The following FARP1 variants were observed in gnomAD, a reference collection of about 807,000 sequenced individuals.
FARP1 encodes FERM, ARHGEF and pleckstrin domain-containing protein 1.
Under a neutral mutation model 128.8 loss-of-function variants are expected in FARP1, and 52 were observed. The observed-to-expected ratio is 0.40, with a 90% confidence interval of 0.32 to 0.51. The LOEUF (loss-of-function observed/expected upper bound fraction) is 0.51, where lower values mean the gene tolerates loss of function less well. Ranked by LOEUF, FARP1 falls within the 20% of genes least tolerant of loss-of-function variation. FARP1 has a pLI of 0.45. For missense variants in FARP1, 1,333 were observed against 1,367.9 expected (o/e 0.97, Z 0.40); for synonymous variants, 580 against 551.8 (o/e 1.05, Z -0.72).
intron 16 of FARP1, among the ~76,000 whole-genome samples, chr13:98,417,478 A>AG (rs1891429287): frequency 1.4e-5 from 2 of 144,424 alleles, no homozygotes; most frequent in African/African-American, 5.4e-5. Context: ...AAAAAAAAAA[A>AG]AAAAAAGAAC....
chr13:98,145,568 G>A (rs898451466), intron 1 of FARP1, among the ~76,000 whole-genome samples: 2 of 130,214 alleles, frequency 1.5e-5, no homozygotes, highest in Non-Finnish European at 1.8e-5. Flanking sequence ...TTCACTTTTC[G>A]TTAAAGAAAC....
In FARP1 at chr13:98,176,590, T is replaced by C; in HGVS notation, c.-24+33098T>C. On this transcript the variant is annotated intron_variant, in intron 1 of 26. Transcript: ENST00000319562. The surrounding 1 kb of genome is among the most constrained non-coding windows in gnomAD (Gnocchi z 6.2). ...CCACCCGAGCTTGTAATCGGAACGG[T>C]CGTGGAGGAATTTGCAGCTGTCCCC... 6.2e-7 allele frequency: 1 copy of C among 1,614,118 alleles called. No homozygotes were observed.
In FARP1 at chr13:98,440,055, G is replaced by A. The variant is rs1419997321; in HGVS notation, c.2516+12G>A. ...ATCGTGGCCGCCAGGTAACTCGGGA[G>A]CCCGCCCCTTGCCTGTTTCCCCTTT... is the stretch of plus-strand genomic sequence containing the variant. On this transcript the variant is annotated intron_variant, in intron 22 of 26. Transcript: ENST00000319562. 1 of 1,609,030 alleles carries A rather than the reference G, an allele frequency of 6.2e-7. No individual in the cohort carries two copies. Among genetic ancestry groups the A allele is most frequent in the Non-Finnish European group, 8.5e-7 (1 of 1,175,844 alleles).
intron 2 of FARP1, among the ~76,000 whole-genome samples, chr13:98,276,857 C>T (rs932771034): frequency 1.3e-5 from 2 of 151,944 alleles, no homozygotes; most frequent in Non-Finnish European, 2.9e-5. Flanking sequence ...GGGTGTGTGA[C>T]CCAGCAAGGG....
chr13:98,316,720 CCG>C (rs1886738280), intron 2 of FARP1, among the ~76,000 whole-genome samples: 2 of 152,188 alleles, frequency 1.3e-5, no homozygotes, highest in African/African-American at 2.4e-5. Flanking sequence ...CCCAGTGATT[CCG>C]TCATGGGGAG....
At position 98,308,024 on chromosome 13, in the gene FARP1, A is replaced by ACT. The variant is rs869143880; in HGVS notation, c.172-35729_172-35728dup. On this transcript the variant is annotated intron_variant, in intron 2 of 26. Coordinates refer to ENST00000319562, the MANE Select transcript of FARP1 (RefSeq NM_005766.4). Reference sequence around the variant, plus strand: ...TGCCTGCCCCCCTCCGCCCGCCCCCACTCTCTCTCTTTTTTTTTTTTTTTT... The same window carrying ACT: ...TGCCTGCCCCCCTCCGCCCGCCCCCACTCTCTCTCTCTTTTTTTTTTTTTTTT... 1.4e-3 allele frequency among the ~76,000 whole-genome samples: 29 copies of ACT among 20,748 alleles called. 1 individual carries two copies. Among genetic ancestry groups the ACT allele is most frequent in the Non-Finnish European group, 2.6e-3 (24 of 9,226 alleles). 13.6% of individuals were successfully genotyped at this position (20,748 alleles called of 152,430 possible).
chr13:98,281,351 A>G (rs1884927908), intron 2 of FARP1, among the ~76,000 whole-genome samples: 1 of 149,686 alleles, frequency 6.7e-6, no homozygotes, highest in African/African-American at 2.5e-5. Context: ...TGGGCAACAG[A>G]GCAAGACTCT....
chr13:98,237,374 G>A (rs1176917644), intron 2 of FARP1, among the ~76,000 whole-genome samples: 3 of 152,068 alleles, frequency 2.0e-5, no homozygotes, highest in African/African-American at 7.2e-5. Context: ...GGCACCGATT[G>A]CAGTTGAGAG....
At chr13:98,417,020 T>C (rs926329651) in intron 16 of FARP1, among the ~76,000 whole-genome samples, 4 of 152,078 alleles carry the variant, frequency 2.6e-5, no homozygotes, top group African/African-American at 9.7e-5. Flanking sequence ...TGTCGAGATA[T>C]CACTGAGCAG....
chr13:98,370,037 C>T (rs866083407), intron 5 of FARP1, among the ~76,000 whole-genome samples: 1 of 152,154 alleles, frequency 6.6e-6, no homozygotes, highest in Non-Finnish European at 1.5e-5. Flanking sequence ...ACAGACAAAG[C>T]GATTAAATAA....
At chr13:98,274,865 A>G (rs1335294377) in intron 2 of FARP1, among the ~76,000 whole-genome samples, 1 of 152,242 alleles carries the variant, frequency 6.6e-6, no homozygotes, top group Non-Finnish European at 1.5e-5. Context: ...TTTTATCTGG[A>G]CATCAGGTAA....
intron 2 of FARP1, among the ~76,000 whole-genome samples, chr13:98,253,870 T>G (rs1258026769): frequency 6.6e-6 from 1 of 152,214 alleles, no homozygotes; most frequent in Non-Finnish European, 1.5e-5. Context: ...GGGTTTGAGG[T>G]CAGAATCCAC....
At chr13:98,249,802 G>C (rs1883236986) in intron 2 of FARP1, among the ~76,000 whole-genome samples, 1 of 152,150 alleles carries the variant, frequency 6.6e-6, no homozygotes. Context: ...GTTTCTTAGT[G>C]ATGGTTCCCC....
chr13:98,309,198 G>A (rs1437174007), intron 2 of FARP1, among the ~76,000 whole-genome samples: 2 of 101,678 alleles, frequency 2.0e-5, no homozygotes, highest in African/African-American at 7.8e-5. Context: ...ACGGAGTCTC[G>A]CTCTGTGGCC....
At chr13:98,426,691 T>A (rs990131490) in intron 17 of FARP1, among the ~76,000 whole-genome samples, 3 of 152,132 alleles carry the variant, frequency 2.0e-5, no homozygotes, top group African/African-American at 7.2e-5. Flanking sequence ...AGCAACCCTT[T>A]GCAATTTGAG....
At chr13:98,291,631 G>A (rs1412796622) in intron 2 of FARP1, among the ~76,000 whole-genome samples, 2 of 152,172 alleles carry the variant, frequency 1.3e-5, no homozygotes, top group African/African-American at 2.4e-5. Context: ...ACTGTTCTGA[G>A]CCCCTCAGCA....
chr13:98,364,482 T>C (rs1401689659), intron 3 of FARP1, among the ~76,000 whole-genome samples: 1 of 152,260 alleles, frequency 6.6e-6, no homozygotes, highest in African/African-American at 2.4e-5. Flanking sequence ...ATTTTCTCTT[T>C]GTAAATTATC....
intron 1 of FARP1, among the ~76,000 whole-genome samples, chr13:98,187,338 A>T (rs993493298): frequency 3.3e-5 from 5 of 152,204 alleles, no homozygotes; most frequent in African/African-American, 1.2e-4. Flanking sequence ...CCCAATTAAG[A>T]GTGGAGATGC....
chr13:98,200,393 C>CCG (rs1555327084), intron 1 of FARP1, among the ~76,000 whole-genome samples: 2 of 144,838 alleles, frequency 1.4e-5, no homozygotes, highest in Non-Finnish European at 3.0e-5. Context: ...CTTCACCCCC[C>CCG]CCCCCTCCCC....
Sources: gnomAD v4.1 joint callset for allele counts (sites outside exome capture counted in the v4.1 genomes callset) on GRCh38, gnomAD v4.1.1 for gene constraint, Gnocchi (gnomAD v3.1) non-coding constraint, MANE v1.5 for transcripts, NCBI Gene and HGNC (gene_info 2026-07-23, HGNC 2026-07-21) for gene names.